Variants in HAPLN3 observed in about 807,000 individuals in gnomAD.
The protein encoded by HAPLN3 is hyaluronan and proteoglycan link protein 3, also known as extracellular link domain containing, 1.
Under a neutral mutation model 28.1 loss-of-function variants are expected in HAPLN3, and 28 were observed. That is an observed-to-expected ratio of 1.00 (90% CI 0.74 to 1.37). HAPLN3 has a LOEUF of 1.37. Ranked by LOEUF, HAPLN3 falls within the 40% of genes most tolerant of loss-of-function variation. HAPLN3 has a pLI of 0.00. For missense variants in HAPLN3, 513 were observed against 504.6 expected (o/e 1.02, Z -0.16); for synonymous variants, 211 against 213.1 (o/e 0.99, Z 0.09).
chr15:88,891,432 G>A (rs1213167796), intron 1 of HAPLN3, among the ~76,000 whole-genome samples: 1 of 152,100 alleles, frequency 6.6e-6, no homozygotes, highest in East Asian at 1.9e-4. Flanking sequence ...AAGTAGCTGG[G>A]ATTACAGGTG....
Position 88,877,406 on chromosome 15 carries a change from C to A in HAPLN3, c.*564G>T, listed in dbSNP as rs2141652014. The stretch of plus-strand genomic sequence containing the variant: ...TGACAACAAAACAGATTCTTTGGAA[C>A]CGAGAGGGGAAGGGGAACGGGGAGG... On this transcript the variant is annotated 3_prime_UTR_variant, in exon 5 of 5. Coordinates refer to ENST00000359595, the MANE Select transcript of HAPLN3 (RefSeq NM_178232.4). This position sits in a 1 kb window ranked among gnomAD's most constrained non-coding sequence, Gnocchi z 5.1. 1 of 153,298 alleles carries A rather than the reference C, an allele frequency of 6.5e-6. No homozygotes were observed. The highest frequency in any genetic ancestry group is 1.9e-4 in the East Asian group (1 of 5,192). The allele number at this position is 153,298 out of a possible 1,614,324, so 9.5% of individuals were successfully genotyped here.
At position 88,880,572 on chromosome 15, in the gene HAPLN3, C is replaced by G. The variant is rs1438485309; in HGVS notation, c.493+785G>C. The stretch of plus-strand genomic sequence containing the variant: ...CTTCCTCTATCCCCGAACTGCCTCC[C>G]TAACATGTGGGAGAGATGTGAGGAC... On this transcript the variant is annotated intron_variant, in intron 3 of 4. Coordinates refer to ENST00000359595, the MANE Select transcript of HAPLN3 (RefSeq NM_178232.4). The surrounding 1 kb of genome is among the most constrained non-coding windows in gnomAD (Gnocchi z 6.0). The G allele has an allele frequency of 1.6e-6, 2 of 1,288,688 alleles. No individual in the cohort carries two copies. Among genetic ancestry groups the G allele is most frequent in the African/African-American group, 1.5e-5 (1 of 65,790 alleles). 79.8% of individuals were successfully genotyped at this position (1,288,688 alleles called of 1,614,324 possible). A position where few individuals can be genotyped will look rare whatever the true frequency, so the allele number is the denominator to read the frequency against.
rs532693492 is a variant in HAPLN3 at position 88,880,086 on chromosome 15, G to T, written c.494-817C>A. ...CCAGGGCCGGAAGCCAGGCACCTGG[G>T]CAAAGCCAGGTTGGGCGGCAGAGAA... On this transcript the variant is annotated intron_variant, in intron 3 of 4. Coordinates refer to ENST00000359595, the MANE Select transcript of HAPLN3 (RefSeq NM_178232.4). This position sits in a 1 kb window ranked among gnomAD's most constrained non-coding sequence, Gnocchi z 6.0. 24 of 992,294 alleles carry T rather than the reference G, an allele frequency of 2.4e-5. No homozygotes were observed. In the African/African-American group the frequency reaches 4.2e-4, roughly 17 times the overall value. The allele number at this position is 992,294 out of a possible 1,614,324, so 61.5% of individuals were successfully genotyped here. A position where few individuals can be genotyped will look rare whatever the true frequency, so the allele number is the denominator to read the frequency against.
intron 1 of HAPLN3, among the ~76,000 whole-genome samples, chr15:88,892,662 G>A (rs1478372973): frequency 1.3e-5 from 2 of 152,028 alleles, no homozygotes; most frequent in African/African-American, 4.8e-5. Context: ...AAAGTCATTT[G>A]ACCTCTCTGA....
chr15:88,882,641 A>G (rs919366510), intron 2 of HAPLN3, among the ~76,000 whole-genome samples: 2 of 152,182 alleles, frequency 1.3e-5, no homozygotes, highest in African/African-American at 4.8e-5. Context: ...TTAACTTGGG[A>G]GCCCCTGTTG....
In HAPLN3 at chr15:88,893,176, G is replaced by A. The variant is rs191986737; in HGVS notation, c.-48+2283C>T. The stretch of plus-strand genomic sequence containing the variant: ...CACACCTGTAATCCTACAGCATTTG[G>A]GGAAGCTGAGGGGGTGGATCACCTG... On this transcript the variant is annotated intron_variant, in intron 1 of 4. Transcript: ENST00000359595. The A allele has an allele frequency of 9.7e-3, 6,708 of 690,236 alleles. 42 individuals carry two copies. Among genetic ancestry groups the A allele is most frequent in the Non-Finnish European group, 0.014 (5,234 of 377,676 alleles). 42.8% of individuals were successfully genotyped at this position (690,236 alleles called of 1,614,324 possible). A position where few individuals can be genotyped will look rare whatever the true frequency, so the allele number is the denominator to read the frequency against.
rs761651342 is a variant in HAPLN3, at chr15:88,881,434, T to G, written c.416A>C (p.Glu139Ala). 2 of 1,613,502 alleles carry G rather than the reference T, an allele frequency of 1.2e-6. No homozygotes were observed. Among genetic ancestry groups the G allele is most frequent in the Non-Finnish European group, 1.7e-6 (2 of 1,180,016 alleles). ...CTCACAGCGGTAACGCCCATAGTCC[T>G]CCAGCCGCAGATCCTGGATCTCCAG... ...VSLEIQDLRL[E>A]DYGRYRCEVI... The change falls in exon 3 of 5, where the codon GAG (glutamate) becomes GCG (alanine). Residue 139 changes from glutamate (E) to alanine (A), a missense_variant. By Grantham distance (107) the Glu-to-Ala change is moderately radical. Coordinates refer to ENST00000359595, the MANE Select transcript of HAPLN3 (RefSeq NM_178232.4). This position sits in a 1 kb window ranked among gnomAD's most constrained non-coding sequence, Gnocchi z 6.0.
chr15:88,878,296 G>C, intron 4 of HAPLN3, 40 bp from the exon 5 acceptor site: 1 of 1,563,444 alleles, frequency 6.4e-7, no homozygotes, highest in Non-Finnish European at 8.7e-7. Flanking sequence ...AGCGCAGGGG[G>C]CAGCCAGAGA....
intron 1 of HAPLN3, among the ~76,000 whole-genome samples, chr15:88,894,671 T>C (rs1898109080): frequency 6.6e-6 from 1 of 152,104 alleles, no homozygotes; most frequent in Non-Finnish European, 1.5e-5. Flanking sequence ...GCACAGGCAC[T>C]CCCGCGGGTC....
chr15:88,892,524 G>C (rs1898040178), intron 1 of HAPLN3, among the ~76,000 whole-genome samples: 1 of 151,950 alleles, frequency 6.6e-6, no homozygotes, highest in African/African-American at 2.4e-5. Flanking sequence ...AAGAACAAAA[G>C]GCCAGGAGGA....
At chr15:88,886,309 C>T (rs955710703) in intron 2 of HAPLN3, among the ~76,000 whole-genome samples, 1 of 148,820 alleles carries the variant, frequency 6.7e-6, no homozygotes, top group Non-Finnish European at 1.5e-5. Flanking sequence ...CAAGATCGCG[C>T]CACTGCACTC....
intron 2 of HAPLN3, among the ~76,000 whole-genome samples, 182 bp downstream of exon 2, chr15:88,886,993 C>T (rs138470383): frequency 6.6e-6 from 1 of 152,186 alleles, no homozygotes; most frequent in East Asian, 1.9e-4. Context: ...AAGGGGCTGG[C>T]GAACACAGGA....
Position 88,880,519 on chromosome 15 carries a change from G to A in HAPLN3, c.493+838C>T. ...GGCATTTACCCACATGTCATAGCTG[G>A]GACGGGCTGGGGCTAAAGTCAGGTC... On this transcript the variant is annotated intron_variant, in intron 3 of 4. Coordinates refer to ENST00000359595, the MANE Select transcript of HAPLN3 (RefSeq NM_178232.4). This position sits in a 1 kb window ranked among gnomAD's most constrained non-coding sequence, Gnocchi z 6.0. 1 of 1,278,606 alleles carries A rather than the reference G, an allele frequency of 7.8e-7. No individual in the cohort carries two copies. The highest frequency in any genetic ancestry group is 1.2e-5 in the South Asian group (1 of 80,596). 79.2% of individuals were successfully genotyped at this position (1,278,606 alleles called of 1,614,324 possible).
In HAPLN3 at chr15:88,888,763, C is replaced by T. The variant is rs1046004966; in HGVS notation, c.-47-1418G>A. On this transcript the variant is annotated intron_variant, in intron 1 of 4. Transcript: ENST00000359595. The surrounding 1 kb of genome is among the most constrained non-coding windows in gnomAD (Gnocchi z 4.1). ...GAGTACCACGATGGAGGTACAGAAA[C>T]GGGAATGTCCAAATGAGACTGAAGA... Among the ~76,000 whole-genome samples the T allele has an allele frequency of 3.9e-5, 6 of 152,132 alleles. No homozygotes were observed. The highest frequency in any genetic ancestry group is 1.2e-4 in the African/African-American group (5 of 41,428).
At chr15:88,891,171 C>T (rs111855286) in intron 1 of HAPLN3, among the ~76,000 whole-genome samples, 22,900 of 152,124 alleles carry the variant, frequency 0.15, 2,168 homozygotes, top group South Asian at 0.28. Context: ...TGAGCCACTG[C>T]ACCCGGCCTG....
intron 1 of HAPLN3, among the ~76,000 whole-genome samples, chr15:88,892,778 G>A (rs1445447900): frequency 6.6e-6 from 1 of 152,130 alleles, no homozygotes; most frequent in Admixed American, 6.5e-5. Context: ...GTCCTGTGTG[G>A]GAGTCAGGAG....
At chr15:88,887,148 A>AAG in intron 2 of HAPLN3, 27 bp downstream of exon 2, 1 of 1,613,610 alleles carries the variant, frequency 6.2e-7, no homozygotes, top group Non-Finnish European at 8.5e-7. Context: ...CAGGGGAGCA[A>AAG]AGAGCCGGGT....
rs148906733 is a variant in HAPLN3, at chr15:88,879,177, C to T, written c.586G>A (p.Ala196Thr). 1.2e-6 allele frequency: 2 copies of T among 1,613,834 alleles called. No individual in the cohort carries two copies. The highest frequency in any genetic ancestry group is 1.7e-6 in the Non-Finnish European group (2 of 1,179,988). ...GCCCGGAAGAGCTGCTCAAAGGAGGCCACCACCGCAGCCTGCTCTGCACAG... is the reference window on the plus strand; with the variant it reads ...GCCCGGAAGAGCTGCTCAAAGGAGGTCACCACCGCAGCCTGCTCTGCACAG... ...QVCAEQAAVVASFEQLFRAWE... is the reference protein window; with the variant it reads ...QVCAEQAAVVTSFEQLFRAWE... Residue 196 changes from alanine (A) to threonine (T), a missense_variant, in exon 4 of 5, where the codon GCC becomes ACC. Ala to Thr is a moderately conservative substitution (Grantham distance 58, BLOSUM62 0). Coordinates refer to ENST00000359595, the MANE Select transcript of HAPLN3 (RefSeq NM_178232.4). This position sits in a 1 kb window ranked among gnomAD's most constrained non-coding sequence, Gnocchi z 5.0.
chr15:88,894,650 T>A (rs1309352561), intron 1 of HAPLN3, among the ~76,000 whole-genome samples: 1 of 152,160 alleles, frequency 6.6e-6, no homozygotes, highest in African/African-American at 2.4e-5. Flanking sequence ...CGCTGCCCCC[T>A]ACTCCAGGGA....
Sources: gnomAD v4.1 joint callset for allele counts (sites outside exome capture counted in the v4.1 genomes callset) on GRCh38, gnomAD v4.1.1 for gene constraint, Gnocchi (gnomAD v3.1) non-coding constraint, MANE v1.5 for transcripts, NCBI Gene and HGNC (gene_info 2026-07-23, HGNC 2026-07-21) for gene names.